NTN1: variants seen among roughly 807,000 people sequenced by gnomAD.
The protein encoded by NTN1 is netrin-1.
A neutral mutation model predicts 54.2 loss-of-function variants in NTN1; 11 were observed. The observed-to-expected ratio is 0.20, with a 90% CI of 0.13 to 0.34. NTN1 has a LOEUF of 0.34. NTN1 is among the 10% of genes least tolerant of loss of function. NTN1 has a pLI of 1.00. For synonymous variants in NTN1, 371 were observed against 382.0 expected (o/e 0.97, Z 0.33); for missense variants, 740 against 893.1 (o/e 0.83, Z 2.18).
chr17:9,205,190 G>T (rs1327912931), intron 5 of NTN1, among the ~76,000 whole-genome samples: 1 of 152,154 alleles, frequency 6.6e-6, no homozygotes, highest in Non-Finnish European at 1.5e-5. Context: ...TCTCCTAAAG[G>T]CTTGGCTGGT....
chr17:9,026,319 A>G (rs927889247), intron 2 of NTN1, among the ~76,000 whole-genome samples: 1 of 150,528 alleles, frequency 6.6e-6, no homozygotes, highest in Admixed American at 6.6e-5. Flanking sequence ...TTCAAGGTCA[A>G]GCTTTCTATG....
chr17:9,239,082 G>A lies in NTN1; in HGVS notation c.1487-558G>A, dbSNP rs886228630. The stretch of plus-strand genomic sequence containing the variant: ...TAGGCGTGGGAAGCGGCAGTCCAAG[G>A]TTCCCGGGGCTCTGGAAAAGGCACT... On this transcript the variant is annotated intron_variant, in intron 6 of 6. Coordinates refer to ENST00000173229, the MANE Select transcript of NTN1 (RefSeq NM_004822.3). The surrounding 1 kb of genome is among the most constrained non-coding windows in gnomAD (Gnocchi z 5.2). Among the ~76,000 whole-genome samples the A allele has an allele frequency of 6.6e-5, 10 of 152,198 alleles. No individual in the cohort carries two copies. Among genetic ancestry groups the A allele is most frequent in the African/African-American group, 2.4e-4 (10 of 41,430 alleles).
rs139698502 is a variant in NTN1, at chr17:9,153,938, A to G, written c.1019-8875A>G. ...TGAGTTGTCCAGTTCTCCTGGCCAT[A>G]TCTAGGAGACTGTTTGTCAATGGTT... On this transcript the variant is annotated intron_variant, in intron 2 of 6. Coordinates refer to ENST00000173229, the MANE Select transcript of NTN1 (RefSeq NM_004822.3). 2.5e-3 allele frequency among the ~76,000 whole-genome samples: 387 copies of G among 152,246 alleles called. 2 individuals are homozygous for G. Among genetic ancestry groups the G allele is most frequent in the African/African-American group, 8.7e-3 (363 of 41,542 alleles).
At chr17:9,096,406 T>A (rs1214555011) in intron 2 of NTN1, among the ~76,000 whole-genome samples, 6 of 142,396 alleles carry the variant, frequency 4.2e-5, no homozygotes, top group African/African-American at 1.6e-4. Context: ...AGTCTTGCTC[T>A]GTCGCCCAGG....
chr17:9,199,373 C>T (rs1398484885), intron 5 of NTN1, among the ~76,000 whole-genome samples: 1 of 152,192 alleles, frequency 6.6e-6, no homozygotes, highest in Non-Finnish European at 1.5e-5. Context: ...AAGTCCTGAC[C>T]TCAAATGATC....
At position 9,022,408 on chromosome 17, in the gene NTN1, T is replaced by C; in HGVS notation, c.35T>C (p.Leu12Pro). The C allele has an allele frequency of 7.5e-7, 1 of 1,337,986 alleles. No individual in the cohort carries two copies. Among genetic ancestry groups the C allele is most frequent in the Non-Finnish European group, 9.5e-7 (1 of 1,055,592 alleles). The allele number at this position is 1,337,986 out of a possible 1,614,324, so 82.9% of individuals were successfully genotyped here. A position where few individuals can be genotyped will look rare whatever the true frequency, so the allele number is the denominator to read the frequency against. ...MRAVWEALAA[L>P]AAVACLVGAV... ...GCAGTGTGGGAGGCGCTGGCGGCGC[T>C]GGCGGCGGTGGCGTGCCTGGTGGGC... Residue 12 changes from leucine to proline, a missense_variant, in exon 2 of 7, where the codon CTG becomes CCG. Transcript: ENST00000173229.
intron 2 of NTN1, among the ~76,000 whole-genome samples, chr17:9,155,125 C>G (rs1048533025): frequency 1.3e-5 from 2 of 152,192 alleles, no homozygotes; most frequent in Admixed American, 1.3e-4. Context: ...GAAGAACGGC[C>G]TCCTTGAGTG....
At position 9,239,527 on chromosome 17, in the gene NTN1, C is replaced by G; in HGVS notation, c.1487-113C>G. 1 of 1,040,654 alleles carries G rather than the reference C, an allele frequency of 9.6e-7. No individual in the cohort carries two copies. Among genetic ancestry groups the G allele is most frequent in the Non-Finnish European group, 1.4e-6 (1 of 709,258 alleles). 64.5% of individuals were successfully genotyped at this position (1,040,654 alleles called of 1,614,324 possible). Reference sequence around the variant, plus strand: ...CCCACGCGCTCCTGTATGGGCCACTCTGTGCAGTCACTTCCTGGGGCTGGG... The same window carrying G: ...CCCACGCGCTCCTGTATGGGCCACTGTGTGCAGTCACTTCCTGGGGCTGGG... On this transcript the variant is annotated intron_variant, in intron 6 of 6. Transcript: ENST00000173229. The surrounding 1 kb of genome is among the most constrained non-coding windows in gnomAD (Gnocchi z 5.2).
intron 2 of NTN1, among the ~76,000 whole-genome samples, chr17:9,125,249 G>A (rs1443815658): frequency 2.0e-5 from 3 of 147,922 alleles, no homozygotes; most frequent in African/African-American, 7.6e-5. Context: ...TTTTTGAGAC[G>A]TAGTTTCACT....
At chr17:9,181,332 C>T (rs1031788923) in intron 4 of NTN1, among the ~76,000 whole-genome samples, 1 of 152,126 alleles carries the variant, frequency 6.6e-6, no homozygotes, top group Non-Finnish European at 1.5e-5. Context: ...GCCATGGGCC[C>T]TGTGTGTGCA....
upstream of NTN1, among the ~76,000 whole-genome samples, chr17:9,018,699 TCCAGTCTTGTAGATGCTCCAAAAGGTACC>T (rs1668666248): frequency 6.7e-6 from 1 of 149,024 alleles, no homozygotes; most frequent in African/African-American, 2.5e-5. Context: ...CACTTCTCAA[TCCAGTCTTGTAGATGCTCCAAAAGGTACC>T]CCAGTCAGCT....
chr17:9,153,892 G>A (rs2092334759), intron 2 of NTN1, among the ~76,000 whole-genome samples: 1 of 152,178 alleles, frequency 6.6e-6, no homozygotes, highest in Admixed American at 6.5e-5. Context: ...TCTACCTGTT[G>A]ACTCTTTTCT....
At chr17:9,084,112 G>A (rs1306404402) in intron 2 of NTN1, among the ~76,000 whole-genome samples, 11 of 152,194 alleles carry the variant, frequency 7.2e-5, no homozygotes. Flanking sequence ...TTGTAGAAAT[G>A]CAGAATTGTT....
At chr17:9,100,225 A>G (rs916056548) in intron 2 of NTN1, among the ~76,000 whole-genome samples, 7 of 152,118 alleles carry the variant, frequency 4.6e-5, no homozygotes, top group Non-Finnish European at 1.0e-4. Context: ...ATTTTTGTAT[A>G]ATTTTGCATG....
intron 2 of NTN1, among the ~76,000 whole-genome samples, chr17:9,036,677 G>A (rs917420650): frequency 1.3e-5 from 2 of 152,116 alleles, no homozygotes; most frequent in Admixed American, 6.5e-5. Context: ...CCTGTAAAAC[G>A]AGGGGTTGGG....
intron 2 of NTN1, among the ~76,000 whole-genome samples, chr17:9,065,720 G>T (rs2092013136): frequency 6.6e-6 from 1 of 152,200 alleles, no homozygotes; most frequent in South Asian, 2.1e-4. Context: ...ATGACCCCAA[G>T]CAGGATCCTG....
intron 6 of NTN1, among the ~76,000 whole-genome samples, chr17:9,226,005 AG>A (rs1905527866): frequency 6.6e-6 from 1 of 151,958 alleles, no homozygotes; most frequent in African/African-American, 2.4e-5. Flanking sequence ...CAGCGGCCAG[AG>A]GGTGGAAGGC....
intron 2 of NTN1, among the ~76,000 whole-genome samples, chr17:9,110,871 T>C (rs1179629927): frequency 6.6e-6 from 1 of 151,982 alleles, no homozygotes; most frequent in South Asian, 2.1e-4. Context: ...CTCCTCTGCA[T>C]GTGTCTTTCC....
intron 2 of NTN1, among the ~76,000 whole-genome samples, chr17:9,152,831 G>A (rs1448582053): frequency 4.6e-5 from 7 of 152,230 alleles, no homozygotes; most frequent in African/African-American, 7.2e-5. Context: ...GAGGGGCCAA[G>A]TGGGCTTTCC....
Sources: allele counts gnomAD v4.1 joint callset (sites outside exome capture counted in the v4.1 genomes callset), GRCh38; gene constraint gnomAD v4.1.1; non-coding constraint Gnocchi (gnomAD v3.1); transcripts MANE v1.5; gene names NCBI Gene and HGNC (gene_info 2026-07-23, HGNC 2026-07-21).